Variants in CCN4 observed in about 807,000 individuals in gnomAD.
CCN4 encodes cellular communication network factor 4.
CCN4 carries 30 observed loss-of-function variants against 36.7 expected under a neutral mutation model. That is an observed-to-expected ratio of 0.82 (90% CI 0.61 to 1.11). The LOEUF is 1.11. CCN4 is among the 50% of genes least tolerant of loss of function. The probability of loss-of-function intolerance (pLI) is 0.00; values close to 1 mark genes in which losing one functional copy is unlikely to be tolerated. For synonymous variants in CCN4, 191 were observed against 195.4 expected, an observed-to-expected ratio of 0.98 and a Z score of 0.19; for missense variants, 505 against 504.9, an observed-to-expected ratio of 1.00 and a Z score of 0.00.
intron 1 of CCN4, among the ~76,000 whole-genome samples, chr8:133,211,380 A>G (rs1346226578): frequency 1.3e-5 from 2 of 152,266 alleles, no homozygotes; most frequent in African/African-American, 4.8e-5. Context: ...ACTATGAGCT[A>G]ACTCTGCAAA....
intron 1 of CCN4, among the ~76,000 whole-genome samples, chr8:133,198,720 G>A (rs960565107): frequency 2.6e-5 from 4 of 152,212 alleles, no homozygotes; most frequent in African/African-American, 4.8e-5. Context: ...TCTTGCCCAC[G>A]TGGAGGGAAA....
At chr8:133,199,896 G>C (rs778569880) in intron 1 of CCN4, among the ~76,000 whole-genome samples, 1 of 152,134 alleles carries the variant, frequency 6.6e-6, no homozygotes, top group Non-Finnish European at 1.5e-5. Context: ...ATGTTCACGA[G>C]AGCCCTATGT....
chr8:133,221,947 T>C (rs1001653904), intron 3 of CCN4, among the ~76,000 whole-genome samples: 1 of 151,494 alleles, frequency 6.6e-6, no homozygotes, highest in African/African-American at 2.4e-5. Flanking sequence ...GATGGATAGA[T>C]GTATAAATAA....
chr8:133,194,928 TTG>T (rs1183075888), intron 1 of CCN4, among the ~76,000 whole-genome samples: 4 of 121,044 alleles, frequency 3.3e-5, no homozygotes, highest in Non-Finnish European at 7.0e-5. Context: ...TATGGTGTGT[TTG>T]TGTGTGTGGT....
Position 133,220,732 on chromosome 8 carries a change from C to A in CCN4, c.501C>A (p.Cys167Ter), listed in dbSNP as rs142776534. 2 of 1,613,448 alleles carry A rather than the reference C, an allele frequency of 1.2e-6. No individual in the cohort carries two copies. The highest frequency in any genetic ancestry group is 2.2e-5 in the East Asian group (1 of 44,876). Residue 167 changes from cysteine to a stop codon, truncating the protein, a stop_gained, in exon 3 of 5, where the codon TGC becomes TGA. Transcript: ENST00000250160. LOFTEE classifies it high-confidence loss of function. Reference sequence around the variant, plus strand: ...GAGTGCGCCCCCCGCGTCTCTGGTGCCCCCACCCGCGGCGCGTGAGCATAC... The same window carrying A: ...GAGTGCGCCCCCCGCGTCTCTGGTGACCCCACCCGCGGCGCGTGAGCATAC... Reference protein sequence around the residue: ...CLRVRPPRLWCPHPRRVSIPG... With the variant: ...CLRVRPPRLW
chr8:133,191,793 G>C (rs55884058), intron 1 of CCN4, among the ~76,000 whole-genome samples: 44,325 of 152,060 alleles, frequency 0.29, 7,323 homozygotes, highest in Non-Finnish European at 0.36. Context: ...TGTCACCTCC[G>C]GTCTGCACAG....
At chr8:133,215,681 A>C (rs183023121) in intron 2 of CCN4, among the ~76,000 whole-genome samples, 17 of 152,032 alleles carry the variant, frequency 1.1e-4, no homozygotes, top group African/African-American at 3.4e-4. Flanking sequence ...ACAGCCACTT[A>C]ACTTCCCAAC....
chr8:133,223,186 C>T (rs910514436), intron 3 of CCN4, among the ~76,000 whole-genome samples: 1 of 152,112 alleles, frequency 6.6e-6, no homozygotes, highest in Non-Finnish European at 1.5e-5. Context: ...CCACCACCTC[C>T]CCAGGAGGGC....
chr8:133,205,389 TC>T (rs1853734476), intron 1 of CCN4, among the ~76,000 whole-genome samples: 2 of 152,344 alleles, frequency 1.3e-5, no homozygotes, highest in Admixed American at 6.5e-5. Context: ...TTTTTCCCCC[TC>T]CTCTGGCCTT....
intron 1 of CCN4, among the ~76,000 whole-genome samples, chr8:133,201,621 C>A (rs1853589639): frequency 6.6e-6 from 1 of 152,110 alleles, no homozygotes. Flanking sequence ...GTGGGTGGAT[C>A]ACTTGAGGTC....
intron 4 of CCN4, among the ~76,000 whole-genome samples, chr8:133,225,902 T>C (rs1266310429): frequency 6.6e-6 from 1 of 152,128 alleles, no homozygotes; most frequent in East Asian, 1.9e-4. Context: ...CCTTCACTCC[T>C]GTGCCAGCCC....
rs1270009161 is a variant in CCN4 at position 133,229,383 on chromosome 8, C to T, written c.*1673C>T. The T allele has an allele frequency of 3.3e-5, 5 of 152,200 alleles. No homozygotes were observed. 9.4% of individuals were successfully genotyped at this position (152,200 alleles called of 1,614,324 possible). On this transcript the variant is annotated 3_prime_UTR_variant, in exon 5 of 5. Transcript: ENST00000250160. ...GCTCCTTTTCAAAAGACGAGAATATCTGATTTTCTGATAATTTAGGTGCTT... is the reference window on the plus strand; with the variant it reads ...GCTCCTTTTCAAAAGACGAGAATATTTGATTTTCTGATAATTTAGGTGCTT...
At chr8:133,214,926 A>G (rs1163962121) in intron 2 of CCN4, among the ~76,000 whole-genome samples, 1 of 152,200 alleles carries the variant, frequency 6.6e-6, no homozygotes, top group Non-Finnish European at 1.5e-5. Context: ...CATCATTTGC[A>G]GTCAGACAAT....
chr8:133,191,520 C>T (rs772348335), intron 1 of CCN4, among the ~76,000 whole-genome samples: 6 of 152,072 alleles, frequency 3.9e-5, no homozygotes, highest in Admixed American at 1.3e-4. Flanking sequence ...GTCAGGGGCC[C>T]GGGCTCCAGA....
intron 4 of CCN4, 116 bp downstream of exon 4, chr8:133,225,699 A>G (rs1005850508): frequency 4.2e-5 from 44 of 1,058,894 alleles, no homozygotes; most frequent in Non-Finnish European, 5.3e-5. Flanking sequence ...AGTTAAGCTC[A>G]CCTGGTAGGT....
intron 2 of CCN4, among the ~76,000 whole-genome samples, chr8:133,215,183 T>C (rs1423702750): frequency 6.6e-6 from 1 of 152,222 alleles, no homozygotes. Context: ...ATAAATGTTA[T>C]TCTTGAGCCC....
chr8:133,193,807 C>A (rs892297487), intron 1 of CCN4, among the ~76,000 whole-genome samples: 4 of 152,188 alleles, frequency 2.6e-5, no homozygotes, highest in African/African-American at 9.7e-5. Context: ...GGTAATGTAG[C>A]CTCCTGCCTC....
intron 1 of CCN4, among the ~76,000 whole-genome samples, chr8:133,212,587 A>G (rs935324944): frequency 1.3e-5 from 2 of 152,066 alleles, no homozygotes; most frequent in Non-Finnish European, 2.9e-5. Flanking sequence ...TCACTCAAGA[A>G]AGGAAAGGAG....
chr8:133,220,809 G>A lies in CCN4; in HGVS notation c.578G>A (p.Arg193His), dbSNP rs1261414685. 3.1e-6 allele frequency: 5 copies of A among 1,608,204 alleles called. No individual in the cohort carries two copies. The highest frequency in any genetic ancestry group is 2.2e-5 in the East Asian group (1 of 44,688). ...WVCEDDAKRPRKTAPRDTGAF... is the reference protein window; with the variant it reads ...WVCEDDAKRPHKTAPRDTGAF... Reference sequence around the variant, plus strand: ...TGTGAGGACGACGCCAAGAGGCCACGCAAGACCGCACCCCGTGACACAGGA... The same window carrying A: ...TGTGAGGACGACGCCAAGAGGCCACACAAGACCGCACCCCGTGACACAGGA... Residue 193 changes from arginine (R) to histidine (H), a missense_variant, in exon 3 of 5, where the codon CGC becomes CAC. Arg to His is a conservative substitution (Grantham distance 29, BLOSUM62 0). Transcript: ENST00000250160.
Sources: gnomAD v4.1 joint callset for allele counts (sites outside exome capture counted in the v4.1 genomes callset) on GRCh38, gnomAD v4.1.1 for gene constraint, MANE v1.5 for transcripts, NCBI Gene and HGNC (gene_info 2026-07-23, HGNC 2026-07-21) for gene names.